The following WSCD2 variants were observed in gnomAD, a reference collection of about 807,000 sequenced individuals.
WSCD2 encodes the protein WSC domain sialate O sulfotransferase 2.
WSCD2 carries 28 observed loss-of-function variants against 55.7 expected under a neutral mutation model. The ratio of observed to expected loss-of-function variants is 0.50; its 90% confidence interval spans 0.37 to 0.69. The LOEUF is 0.69. Among genes scored for constraint, WSCD2 ranks in the 30% least tolerant of loss-of-function variants. The pLI is 0.00. For missense variants in WSCD2, 616 were observed against 762.1 expected, an observed-to-expected ratio of 0.81 and a Z score of 2.26; for synonymous variants, 301 against 301.9, an observed-to-expected ratio of 1.00 and a Z score of 0.03.
intron 4 of WSCD2, among the ~76,000 whole-genome samples, chr12:108,214,845 C>A (rs1886640939): frequency 6.6e-6 from 1 of 152,182 alleles, no homozygotes; most frequent in Admixed American, 6.5e-5. Flanking sequence ...GTTTATGGTT[C>A]ACAATTTTTT....
chr12:108,204,259 C>T lies in WSCD2; in HGVS notation c.383-2030C>T, dbSNP rs80253540. 5.8e-3 allele frequency among the ~76,000 whole-genome samples: 886 copies of T among 152,218 alleles called. 5 individuals are homozygous for T. Among genetic ancestry groups the T allele is most frequent in the African/African-American group, 0.02 (851 of 41,532 alleles). On this transcript the variant is annotated intron_variant, in intron 2 of 8. Coordinates refer to ENST00000547525, the MANE Select transcript of WSCD2 (RefSeq NM_014653.4). ...CTCTCACACACACACAGACACACAA[C>T]CTGTTGATCTGCTGACAAAAACTTC... is the stretch of plus-strand genomic sequence containing the variant.
intron 8 of WSCD2, among the ~76,000 whole-genome samples, chr12:108,243,420 G>T (rs879263759): frequency 5.3e-5 from 8 of 152,070 alleles, no homozygotes; most frequent in Non-Finnish European, 5.9e-5. Context: ...TGTATTTTTA[G>T]TAGAGACAGG....
rs370144922 is a variant in WSCD2 at position 108,190,527 on chromosome 12, G to T, written c.-551-4755G>T. ...TACCCTAGCCAATAGAACCTGGAAG[G>T]GGGAGGCATAATTTTACTCCCAGGG... On this transcript the variant is annotated intron_variant, in intron 1 of 8. Transcript: ENST00000547525. Among the ~76,000 whole-genome samples, 4 of 152,180 alleles carry T rather than the reference G, an allele frequency of 2.6e-5. No individual in the cohort carries two copies. The South Asian group carries it at 8.3e-4, about 32-fold the overall frequency.
intron 1 of WSCD2, among the ~76,000 whole-genome samples, chr12:108,181,824 A>C (rs899837580): frequency 2.6e-5 from 4 of 152,254 alleles, no homozygotes; most frequent in African/African-American, 9.6e-5. Flanking sequence ...AAACGTGCAA[A>C]TAACAATAAC....
chr12:108,175,121 CAA>C (rs1880650563), intron 1 of WSCD2, among the ~76,000 whole-genome samples: 1 of 152,164 alleles, frequency 6.6e-6, no homozygotes, highest in Non-Finnish European at 1.5e-5. Flanking sequence ...CTTCCCTGCC[CAA>C]AGAGACATTT....
intron 1 of WSCD2, among the ~76,000 whole-genome samples, chr12:108,162,790 G>C (rs1382522789): frequency 1.3e-5 from 2 of 152,154 alleles, no homozygotes; most frequent in African/African-American, 2.4e-5. Context: ...AACAGTTTCT[G>C]ATGGATTCTG....
chr12:108,245,902 A>T (rs1397455451), intron 8 of WSCD2, among the ~76,000 whole-genome samples: 1 of 152,234 alleles, frequency 6.6e-6, no homozygotes, highest in African/African-American at 2.4e-5. Flanking sequence ...AACAGCTGTG[A>T]TGTTCCAGGG....
chr12:108,210,464 A>T lies in WSCD2; in HGVS notation c.682+159A>T, dbSNP rs1389892096. 6.6e-6 allele frequency among the ~76,000 whole-genome samples: 1 copy of T among 152,120 alleles called. No homozygotes were observed. Among genetic ancestry groups the T allele is most frequent in the African/African-American group, 2.4e-5 (1 of 41,414 alleles). The stretch of plus-strand genomic sequence containing the variant: ...TGCCTCACCTCTCCCACTCCCTCAC[A>T]GAGCCCTTTGCCCCAGCTCCTTTGA... On this transcript the variant is annotated intron_variant, in intron 4 of 8. Transcript: ENST00000547525. The surrounding 1 kb of genome is among the most constrained non-coding windows in gnomAD (Gnocchi z 4.3).
chr12:108,172,898 A>G (rs2136972940), intron 1 of WSCD2, among the ~76,000 whole-genome samples: 1 of 152,266 alleles, frequency 6.6e-6, no homozygotes, highest in Middle Eastern at 3.4e-3. Flanking sequence ...TTCACAAGCT[A>G]ATGCCCTAAT....
intron 1 of WSCD2, among the ~76,000 whole-genome samples, chr12:108,152,560 C>G (rs991576757): frequency 6.6e-6 from 1 of 152,186 alleles, no homozygotes; most frequent in Non-Finnish European, 1.5e-5. Flanking sequence ...AACTTCCCCT[C>G]TTGGTGGCAG....
chr12:108,231,228 C>G (rs1290874733), intron 6 of WSCD2, among the ~76,000 whole-genome samples: 1 of 152,094 alleles, frequency 6.6e-6, no homozygotes, highest in Non-Finnish European at 1.5e-5. Context: ...CTCATCTGCC[C>G]CAGGCTGAAG....
At chr12:108,234,993 C>A (rs1889138727) in intron 7 of WSCD2, among the ~76,000 whole-genome samples, 1 of 152,132 alleles carries the variant, frequency 6.6e-6, no homozygotes, top group African/African-American at 2.4e-5. Context: ...GTGGCCTATA[C>A]ACCAAGTATT....
intron 2 of WSCD2, among the ~76,000 whole-genome samples, chr12:108,200,989 C>A (rs948406946): frequency 6.6e-6 from 1 of 152,202 alleles, no homozygotes; most frequent in African/African-American, 2.4e-5. Flanking sequence ...AAAAGTATTT[C>A]TTGTGTCTTC....
chr12:108,234,561 T>C (rs1414348837), intron 7 of WSCD2, among the ~76,000 whole-genome samples: 1 of 152,228 alleles, frequency 6.6e-6, no homozygotes, highest in African/African-American at 2.4e-5. Flanking sequence ...ATTACATGCT[T>C]ATATCAGGAT....
chr12:108,187,185 A>G (rs1410764257), intron 1 of WSCD2, among the ~76,000 whole-genome samples: 1 of 152,166 alleles, frequency 6.6e-6, no homozygotes, highest in Non-Finnish European at 1.5e-5. Flanking sequence ...GCCAGTGGGA[A>G]GGGTAATATG....
intron 1 of WSCD2, among the ~76,000 whole-genome samples, chr12:108,134,262 C>T (rs370087282): frequency 2.6e-5 from 4 of 152,308 alleles, no homozygotes; most frequent in South Asian, 4.1e-4. Flanking sequence ...ATGCCCTTAG[C>T]CATAAGACGT....
At chr12:108,212,451 T>A (rs552153892) in intron 4 of WSCD2, among the ~76,000 whole-genome samples, 1 of 152,188 alleles carries the variant, frequency 6.6e-6, no homozygotes, top group South Asian at 2.1e-4. Flanking sequence ...AATGTTCAGG[T>A]TGGCTGAATA....
chr12:108,184,528 G>C (rs370052487), intron 1 of WSCD2, among the ~76,000 whole-genome samples: 11 of 152,328 alleles, frequency 7.2e-5, no homozygotes, highest in African/African-American at 2.6e-4. Flanking sequence ...GCGGCTGGGA[G>C]CAATGGGGGC....
chr12:108,135,592 T>C (rs772519249), intron 1 of WSCD2, among the ~76,000 whole-genome samples: 1 of 152,174 alleles, frequency 6.6e-6, no homozygotes, highest in Non-Finnish European at 1.5e-5. Flanking sequence ...TAAGAGAAAG[T>C]AGGGGCCTCC....
Sources: allele counts gnomAD v4.1 joint callset (sites outside exome capture counted in the v4.1 genomes callset), GRCh38; gene constraint gnomAD v4.1.1; non-coding constraint Gnocchi (gnomAD v3.1); transcripts MANE v1.5; gene names NCBI Gene and HGNC (gene_info 2026-07-23, HGNC 2026-07-21).